The following DENND5B variants were observed in gnomAD, a reference collection of about 807,000 sequenced individuals.
The protein encoded by DENND5B is DENN domain containing 5B.
DENND5B carries 34 observed loss-of-function variants against 140.6 expected under a neutral mutation model. That is an observed-to-expected ratio of 0.24 (90% CI 0.18 to 0.32). The LOEUF is 0.32. Among genes scored for constraint, DENND5B ranks in the 10% least tolerant of loss-of-function variants. The pLI, the probability that DENND5B is intolerant of heterozygous loss-of-function variation, is 1.00. For missense variants in DENND5B, 1,142 were observed against 1,560.2 expected, an observed-to-expected ratio of 0.73 and a Z score of 4.52; for synonymous variants, 551 against 562.1, an observed-to-expected ratio of 0.98 and a Z score of 0.28.
intron 1 of DENND5B, among the ~76,000 whole-genome samples, chr12:31,517,020 C>T (rs1481591364): frequency 6.6e-6 from 1 of 151,824 alleles, no homozygotes. Context: ...ACCTTCCCTC[C>T]TGAATTCAAC....
chr12:31,475,414 G>GT (rs1376766713), intron 3 of DENND5B, among the ~76,000 whole-genome samples: 1 of 152,024 alleles, frequency 6.6e-6, no homozygotes, highest in East Asian at 1.9e-4. Flanking sequence ...AAATAAATTG[G>GT]TAGATATTAA....
At chr12:31,405,195 A>C (rs1593076022) in intron 14 of DENND5B, among the ~76,000 whole-genome samples, 1 of 149,642 alleles carries the variant, frequency 6.7e-6, no homozygotes. Context: ...GAGCCACTGC[A>C]CCTGGCCTGA....
At chr12:31,490,596 G>A (rs772088034) in intron 2 of DENND5B, among the ~76,000 whole-genome samples, 1 of 143,616 alleles carries the variant, frequency 7.0e-6, no homozygotes, top group African/African-American at 2.6e-5. Flanking sequence ...GGATGACAGA[G>A]TCAGAACCTG....
Position 31,479,679 on chromosome 12 carries a change from G to A in DENND5B, c.814C>T (p.Arg272Trp), listed in dbSNP as rs535055963. The A allele has an allele frequency of 9.8e-5, 156 of 1,587,588 alleles. No homozygotes were observed. Among genetic ancestry groups the A allele is most frequent in the Admixed American group, 4.8e-4 (27 of 55,722 alleles). Residue 272 changes from arginine to tryptophan, a missense_variant, in exon 3 of 21, where the codon CGG becomes TGG. Arg to Trp is a moderately radical substitution (Grantham distance 101, BLOSUM62 -3). Transcript: ENST00000389082. ...SELPLSDYPLREAFELLGLEN... is the reference protein window; with the variant it reads ...SELPLSDYPLWEAFELLGLEN... ...AATCCCAGGAGCTCAAATGCCTCCC[G>A]AAGGGGGTAATCAGAGAGGGGGAGT...
At chr12:31,505,800 A>C (rs897737908) in intron 1 of DENND5B, among the ~76,000 whole-genome samples, 2 of 152,166 alleles carry the variant, frequency 1.3e-5, no homozygotes, top group East Asian at 3.9e-4. Context: ...ACTTAAATCC[A>C]GGTAATATTA....
chr12:31,507,695 A>G (rs765037070), intron 1 of DENND5B, among the ~76,000 whole-genome samples: 4 of 152,188 alleles, frequency 2.6e-5, no homozygotes, highest in Non-Finnish European at 4.4e-5. Context: ...AAGAGTCCAT[A>G]ATTTTTAGAT....
At chr12:31,573,590 T>C (rs930421456) in intron 1 of DENND5B, among the ~76,000 whole-genome samples, 9 of 152,232 alleles carry the variant, frequency 5.9e-5, no homozygotes, top group African/African-American at 2.2e-4. Context: ...GAAAAGTGAA[T>C]GTAATTTCGT....
intron 1 of DENND5B, among the ~76,000 whole-genome samples, chr12:31,560,618 C>T (rs973541039): frequency 5.3e-5 from 8 of 152,140 alleles, no homozygotes; most frequent in African/African-American, 1.9e-4. Flanking sequence ...GGTCTCTCTA[C>T]CCTGTTCAAA....
intron 10 of DENND5B, 82 bp downstream of exon 10, chr12:31,424,453 T>TA (rs397722135): frequency 9.8e-6 from 14 of 1,428,898 alleles, no homozygotes; most frequent in Non-Finnish European, 1.2e-5. Flanking sequence ...TATTTTTTTT[T>TA]AATGACATAT....
intron 8 of DENND5B, among the ~76,000 whole-genome samples, chr12:31,428,075 A>T (rs1238220470): frequency 1.3e-5 from 2 of 152,132 alleles, no homozygotes; most frequent in African/African-American, 2.4e-5. Context: ...AATCATTTTA[A>T]CAGTTGTCTC....
chr12:31,400,529 A>G (rs1393694479), intron 15 of DENND5B, among the ~76,000 whole-genome samples: 6 of 152,232 alleles, frequency 3.9e-5, no homozygotes, highest in Non-Finnish European at 8.8e-5. Context: ...GTGCTGGATG[A>G]CAACATCAGA....
At chr12:31,501,291 C>T (rs1176139766) in intron 1 of DENND5B, among the ~76,000 whole-genome samples, 1 of 152,162 alleles carries the variant, frequency 6.6e-6, no homozygotes, top group Non-Finnish European at 1.5e-5. Flanking sequence ...CTCCTTGCTG[C>T]TGCCATATGA....
chr12:31,552,386 C>T (rs182224075), intron 1 of DENND5B, among the ~76,000 whole-genome samples: 60 of 152,274 alleles, frequency 3.9e-4, no homozygotes, highest in Non-Finnish European at 6.6e-4. Context: ...GTATGTTGAA[C>T]CAGCCTTGCA....
chr12:31,507,661 T>C (rs929971846), intron 1 of DENND5B, among the ~76,000 whole-genome samples: 8 of 152,230 alleles, frequency 5.3e-5, no homozygotes, highest in African/African-American at 1.9e-4. Context: ...GTATTGTAAC[T>C]GCTATTATGA....
At chr12:31,538,907 A>C (rs977704229) in intron 1 of DENND5B, among the ~76,000 whole-genome samples, 1 of 152,020 alleles carries the variant, frequency 6.6e-6, no homozygotes, top group Non-Finnish European at 1.5e-5. Flanking sequence ...ATCAGAGCAG[A>C]AATAAGTGAA....
intron 1 of DENND5B, among the ~76,000 whole-genome samples, chr12:31,497,229 T>C (rs1946794781): frequency 6.6e-6 from 1 of 152,146 alleles, no homozygotes; most frequent in Admixed American, 6.5e-5. Flanking sequence ...GGACACATAA[T>C]TTAAATACAT....
intron 2 of DENND5B, among the ~76,000 whole-genome samples, chr12:31,492,137 A>G (rs953035065): frequency 6.6e-6 from 1 of 152,218 alleles, no homozygotes; most frequent in Admixed American, 6.5e-5. Context: ...AATAAAAAAA[A>G]TGCTATGTGG....
intron 7 of DENND5B, among the ~76,000 whole-genome samples, 186 bp downstream of exon 7, chr12:31,442,589 T>A (rs993582348): frequency 1.3e-5 from 2 of 152,066 alleles, no homozygotes; most frequent in African/African-American, 4.8e-5. Flanking sequence ...TTTTTTTTTT[T>A]AAATGATGGA....
In DENND5B at chr12:31,568,186, T is replaced by C. The variant is rs531874516; in HGVS notation, c.127+22520A>G. Among the ~76,000 whole-genome samples the C allele has an allele frequency of 5.9e-5, 9 of 152,346 alleles. No homozygotes were observed. The East Asian group carries it at 1.3e-3, about 23-fold the overall frequency. ...AATGTGATGGGTACACAAAATCATT[T>C]AAAATACTGTATAAAATTACCTTCA... is the stretch of plus-strand genomic sequence containing the variant. On this transcript the variant is annotated intron_variant, in intron 1 of 20. Transcript: ENST00000389082.
Sources: gnomAD v4.1 joint callset for allele counts (sites outside exome capture counted in the v4.1 genomes callset) on GRCh38, gnomAD v4.1.1 for gene constraint, MANE v1.5 for transcripts, NCBI Gene and HGNC (gene_info 2026-07-23, HGNC 2026-07-21) for gene names.